The following CSNK2A2IP variants were observed in gnomAD, a reference collection of about 807,000 sequenced individuals.
CSNK2A2IP encodes casein kinase II subunit alpha'-interacting protein.
the CSNK2A2IP span, among the ~76,000 whole-genome samples, chr3:88,449,874 T>TATATAGAGAGAGAGAGAGAGAGAGAG: frequency 1.4e-5 from 1 of 70,106 alleles, no homozygotes; most frequent in Non-Finnish European, 3.2e-5. Flanking sequence ...TATATATATA[T>TATATAGAGAGAGAGAGAGAGAGAGAG]AGAGAGAGAG....
chr3:88,378,712 A>G, the CSNK2A2IP span, among the ~76,000 whole-genome samples: 3 of 152,014 alleles, frequency 2.0e-5, no homozygotes, highest in Admixed American at 1.3e-4. Flanking sequence ...GCATACACCT[A>G]TCTTTTCTTT....
At chr3:88,439,193 C>T in the CSNK2A2IP span, among the ~76,000 whole-genome samples, 2 of 152,168 alleles carry the variant, frequency 1.3e-5, no homozygotes, top group Non-Finnish European at 2.9e-5. Context: ...CAGCCACTGC[C>T]TTGTTACCAG....
the CSNK2A2IP span, among the ~76,000 whole-genome samples, chr3:88,359,535 G>A: frequency 6.6e-6 from 1 of 151,630 alleles, no homozygotes; most frequent in Admixed American, 6.6e-5. Context: ...TACTGCTTTG[G>A]CTGTACTCAC....
the CSNK2A2IP span, among the ~76,000 whole-genome samples, chr3:88,387,843 A>G: frequency 2.6e-5 from 4 of 152,134 alleles, no homozygotes; most frequent in Non-Finnish European, 5.9e-5. Context: ...CTTCTGTCTC[A>G]GCCTCCTAAT....
chr3:88,394,990 A>G, the CSNK2A2IP span, among the ~76,000 whole-genome samples: 2 of 152,188 alleles, frequency 1.3e-5, no homozygotes, highest in African/African-American at 4.8e-5. Context: ...ACACATGTTT[A>G]CCTATATAGT....
the CSNK2A2IP span, among the ~76,000 whole-genome samples, chr3:88,427,583 T>C: frequency 6.6e-6 from 1 of 152,118 alleles, no homozygotes; most frequent in African/African-American, 2.4e-5. Context: ...ATGCTTTGCG[T>C]AGTCTTGGGA....
At chr3:88,446,518 C>T in the CSNK2A2IP span, among the ~76,000 whole-genome samples, 20 of 152,164 alleles carry the variant, frequency 1.3e-4, no homozygotes, top group Non-Finnish European at 2.8e-4. Context: ...CAACACCTGT[C>T]CTTCCTTTTT....
the CSNK2A2IP span, among the ~76,000 whole-genome samples, chr3:88,451,725 C>T: frequency 2.5e-5 from 3 of 121,640 alleles, no homozygotes; most frequent in South Asian, 7.4e-4. Flanking sequence ...TCTGTAATCT[C>T]TCTCTCTTTT....
the CSNK2A2IP span, among the ~76,000 whole-genome samples, chr3:88,372,160 G>C: frequency 3.3e-5 from 5 of 151,496 alleles, no homozygotes; most frequent in Non-Finnish European, 7.4e-5. Flanking sequence ...AAAGATCTAT[G>C]GCTATGTAAA....
chr3:88,455,208 A>G, the CSNK2A2IP span, among the ~76,000 whole-genome samples: 3 of 151,868 alleles, frequency 2.0e-5, no homozygotes, highest in African/African-American at 7.2e-5. Flanking sequence ...GGAGATGCCA[A>G]TTTAATTTAT....
chr3:88,425,428 G>A, the CSNK2A2IP span, among the ~76,000 whole-genome samples: 415 of 152,058 alleles, frequency 2.7e-3, 1 homozygote, highest in African/African-American at 9.5e-3. Context: ...TAGTTAACAT[G>A]TTATTACTTT....
chr3:88,438,503 C>T, the CSNK2A2IP span, among the ~76,000 whole-genome samples: 1 of 152,108 alleles, frequency 6.6e-6, no homozygotes, highest in Non-Finnish European at 1.5e-5. Flanking sequence ...AGTGCTTCCC[C>T]TAAAAAAATT....
the CSNK2A2IP span, among the ~76,000 whole-genome samples, chr3:88,389,011 C>T: frequency 2.0e-5 from 3 of 151,792 alleles, no homozygotes; most frequent in African/African-American, 4.8e-5. Flanking sequence ...CCACAAAAAC[C>T]GTAAACCCCA....
the CSNK2A2IP span, among the ~76,000 whole-genome samples, chr3:88,360,854 G>T: frequency 6.6e-6 from 1 of 151,352 alleles, no homozygotes; most frequent in Non-Finnish European, 1.5e-5. Flanking sequence ...TTGTAGGTTT[G>T]GCTTTGTGGT....
the CSNK2A2IP span, among the ~76,000 whole-genome samples, chr3:88,410,861 T>TTA: frequency 9.2e-5 from 14 of 151,984 alleles, no homozygotes; most frequent in African/African-American, 2.7e-4. Context: ...AAGACTTTTG[T>TTA]TATATATATA....
chr3:88,397,290 G>C, the CSNK2A2IP span, among the ~76,000 whole-genome samples: 1 of 152,114 alleles, frequency 6.6e-6, no homozygotes, highest in Non-Finnish European at 1.5e-5. Flanking sequence ...TGTGCATCTT[G>C]TCTTTTCCTC....
chr3:88,465,065 T>G, the CSNK2A2IP span: 4 of 248,490 alleles, frequency 1.6e-5, no homozygotes, highest in Non-Finnish European at 3.0e-5. Context: ...TCTTCTGACC[T>G]CTCCTTACTA....
chr3:88,422,530 G>C, the CSNK2A2IP span, among the ~76,000 whole-genome samples: 2 of 152,156 alleles, frequency 1.3e-5, no homozygotes, highest in Non-Finnish European at 2.9e-5. Context: ...AAACAATTAT[G>C]AGTTATATCT....
At chr3:88,395,003 A>G in the CSNK2A2IP span, among the ~76,000 whole-genome samples, 3 of 151,914 alleles carry the variant, frequency 2.0e-5, no homozygotes, top group Admixed American at 2.0e-4. Context: ...TATATAGTAA[A>G]CCTTCAAATG....
Sources: allele counts gnomAD v4.1 joint callset (sites outside exome capture counted in the v4.1 genomes callset), GRCh38; gene constraint gnomAD v4.1.1; transcripts MANE v1.5; gene names NCBI Gene and HGNC (gene_info 2026-07-23, HGNC 2026-07-21).